CUBN: variants seen among roughly 807,000 people sequenced by gnomAD.
CUBN encodes the protein cubilin.
In CUBN, 282 loss-of-function variants were observed where a neutral mutation model predicts 405.3. That is an observed-to-expected ratio of 0.70 (90% CI 0.63 to 0.77). The LOEUF (loss-of-function observed/expected upper bound fraction) is 0.77, where lower values mean the gene tolerates loss of function less well. CUBN is among the 30% of genes least tolerant of loss of function. The probability of loss-of-function intolerance (pLI) is 0.00; values close to 1 mark genes in which losing one functional copy is unlikely to be tolerated. For missense variants in CUBN, 4,514 were observed against 4,475.2 expected (o/e 1.01, Z -0.25); for synonymous variants, 1,684 against 1,617.0 (o/e 1.04, Z -0.99).
chr10:16,916,808 C>T (rs1302255192), intron 45 of CUBN, among the ~76,000 whole-genome samples: 2 of 148,692 alleles, frequency 1.3e-5, no homozygotes, highest in South Asian at 2.1e-4. Flanking sequence ...TTTTTCTTTT[C>T]TTTTTCTTTC....
intron 60 of CUBN, among the ~76,000 whole-genome samples, chr10:16,844,257 G>A (rs375022472): frequency 1.8e-4 from 20 of 113,962 alleles, no homozygotes; most frequent in African/African-American, 6.3e-4. Context: ...CGACAAGAGC[G>A]AAACTCTGTC....
chr10:17,127,609 A>G (rs959005888), intron 3 of CUBN, among the ~76,000 whole-genome samples: 1 of 151,982 alleles, frequency 6.6e-6, no homozygotes, highest in African/African-American at 2.4e-5. Flanking sequence ...TCCCAGCCCA[A>G]GGCCTACTTC....
chr10:16,849,588 T>G (rs1196200086), intron 60 of CUBN, among the ~76,000 whole-genome samples: 2 of 152,226 alleles, frequency 1.3e-5, no homozygotes, highest in Non-Finnish European at 2.9e-5. Flanking sequence ...AGCATGTAAC[T>G]AAGTGCTCAA....
intron 62 of CUBN, among the ~76,000 whole-genome samples, chr10:16,838,686 C>A (rs1291168809): frequency 3.3e-5 from 5 of 152,178 alleles, no homozygotes; most frequent in Non-Finnish European, 5.9e-5. Context: ...ACTCTGTCAC[C>A]CAGGCTGGAG....
rs936751223 is a variant in CUBN at position 16,839,982 on chromosome 10, C to T, written c.10032+348G>A. On this transcript the variant is annotated intron_variant, in intron 62 of 66. Transcript: ENST00000377833. Reference sequence around the variant, plus strand: ...ATCGCAAGGACAAAAAACCAAACACCGCATATTCTCACTCATAGGTGGGAA... The same window carrying T: ...ATCGCAAGGACAAAAAACCAAACACTGCATATTCTCACTCATAGGTGGGAA... Among the ~76,000 whole-genome samples the T allele has an allele frequency of 2.7e-4, 41 of 150,178 alleles. 1 individual carries two copies. Among genetic ancestry groups the T allele is most frequent in the Admixed American group, 1.4e-3 (21 of 14,894 alleles).
chr10:17,014,501 T>G, intron 28 of CUBN, among the ~76,000 whole-genome samples: 1 of 152,162 alleles, frequency 6.6e-6, no homozygotes, highest in African/African-American at 2.4e-5. Flanking sequence ...CCCCCACAAC[T>G]GTTTTAATGT....
At chr10:16,981,594 G>A (rs1030408208) in intron 31 of CUBN, among the ~76,000 whole-genome samples, 1 of 152,196 alleles carries the variant, frequency 6.6e-6, no homozygotes, top group Non-Finnish European at 1.5e-5. Flanking sequence ...TCTCCGAGAT[G>A]GCAGAGCTAA....
At chr10:16,851,489 C>T in intron 59 of CUBN, 46 bp from the exon 60 acceptor site, 1 of 1,530,940 alleles carries the variant, frequency 6.5e-7, no homozygotes, top group Non-Finnish European at 9.1e-7. Context: ...ACAGAACCGA[C>T]CTTACATTGT....
chr10:17,063,708 G>T (rs1835551006), intron 22 of CUBN, among the ~76,000 whole-genome samples: 1 of 152,154 alleles, frequency 6.6e-6, no homozygotes, highest in African/African-American at 2.4e-5. Flanking sequence ...TTTTACAAAG[G>T]TATGTCTTAC....
At chr10:16,873,101 G>C (rs1339526852) in intron 58 of CUBN, among the ~76,000 whole-genome samples, 2 of 152,046 alleles carry the variant, frequency 1.3e-5, no homozygotes, top group African/African-American at 2.4e-5. Context: ...ACAAATAGAG[G>C]GGAGGTAGGT....
chr10:16,853,338 G>A (rs1178722146), intron 59 of CUBN, among the ~76,000 whole-genome samples: 2 of 152,130 alleles, frequency 1.3e-5, no homozygotes, highest in African/African-American at 4.8e-5. Context: ...AACTTCGCTG[G>A]GATTGGCCTT....
chr10:17,021,238 G>A (rs1207154377), intron 27 of CUBN, among the ~76,000 whole-genome samples: 2 of 152,022 alleles, frequency 1.3e-5, no homozygotes, highest in African/African-American at 2.4e-5. Flanking sequence ...GAGGGTGCAA[G>A]GTTGTGTCCC....
At position 16,984,269 on chromosome 10, in the gene CUBN, C is replaced by A; in HGVS notation, c.4361G>T (p.Gly1454Val). 6.2e-7 allele frequency: 1 copy of A among 1,613,942 alleles called. No homozygotes were observed. Among genetic ancestry groups the A allele is most frequent in the Non-Finnish European group, 8.5e-7 (1 of 1,179,928 alleles). The change falls in exon 30 of 67, where the codon GGC (glycine) becomes GTC (valine). Residue 1454 changes from glycine to valine, a missense_variant. By Grantham distance (109) the Gly-to-Val change is moderately radical. This residue lies in a region of CUBN where 1,613 missense variants were observed against 1,542.8 expected (regional missense o/e 1.05). Coordinates refer to ENST00000377833, the MANE Select transcript of CUBN (RefSeq NM_001081.4). ...CNFDVLEIYG[G>V]PDFHSPRIAQ... ...TATTCTGGGAGAGTGGAAATCGGGG[C>A]CTCCATAGATCTAACATGGGATGTA...
Position 16,888,421 on chromosome 10 carries a change from T to G in CUBN, c.8901A>C (p.Leu2967Phe). Residue 2967 changes from leucine to phenylalanine, a missense_variant, in exon 56 of 67, where the codon TTA (leucine) becomes TTC (phenylalanine). Around this residue, in one of 5 missense-constraint regions of CUBN, gnomAD observed 1,186 missense variants for 1,186.9 expected, o/e 1.00. Transcript: ENST00000377833. ...VVLLTFVSFH[L>F]EARSAVTGSC... ...TTTTTAAAAGAATAAACTTACCTTC[T>G]AAGTGGAAGGACACAAAAGTCAAGA... 6.2e-7 allele frequency: 1 copy of G among 1,612,350 alleles called. No homozygotes were observed. The highest frequency in any genetic ancestry group is 8.5e-7 in the Non-Finnish European group (1 of 1,178,486).
At chr10:16,963,187 CTTTTTTTTCTTTTTTT>C (rs1843285511) in intron 31 of CUBN, among the ~76,000 whole-genome samples, 1 of 84,350 alleles carries the variant, frequency 1.2e-5, no homozygotes, top group Non-Finnish European at 2.2e-5. Context: ...CTTTTCTTTT[CTTTTTTTTCTTTTTTT>C]TTTTTTTTTG....
chr10:16,862,294 G>T (rs896844325), intron 59 of CUBN, among the ~76,000 whole-genome samples: 10 of 152,162 alleles, frequency 6.6e-5, no homozygotes, highest in Middle Eastern at 3.4e-3. Context: ...TTCAAAGCCT[G>T]GCTTTACCTC....
chr10:17,114,208 C>A lies in CUBN; in HGVS notation c.721-19G>T, dbSNP rs758526154. On this transcript the variant is annotated intron_variant, in intron 7 of 66. Coordinates refer to ENST00000377833, the MANE Select transcript of CUBN (RefSeq NM_001081.4). ...ACTTGGGCTGGCAGGATGACAACAG[C>A]GTGAATAAAGACAATCATGAAAATC... 2 of 1,612,456 alleles carry A rather than the reference C, an allele frequency of 1.2e-6. No homozygotes were observed. Among genetic ancestry groups the A allele is most frequent in the Admixed American group, 1.7e-5 (1 of 59,848 alleles).
chr10:16,884,418 T>A (rs780850), intron 56 of CUBN, among the ~76,000 whole-genome samples: 108,006 of 151,488 alleles, frequency 0.71, 38,838 homozygotes, highest in East Asian at 0.83. Context: ...GATTGAGGGC[T>A]TCTAGTTGGC....
chr10:16,901,408 T>G lies in CUBN; in HGVS notation c.8114A>C (p.Tyr2705Ser). Residue 2705 changes from tyrosine to serine, a missense_variant, in exon 52 of 67, where the codon TAT becomes TCT. Transcript: ENST00000377833. Reference protein sequence around the residue: ...GDSGVITSPNYPNAYDSLTHC... With the variant: ...GDSGVITSPNSPNAYDSLTHC... ...GGTCAGGCTGTCATAAGCATTTGGATAGTTGGGGCTTGTGATCACTCCACT... is the reference window on the plus strand; with the variant it reads ...GGTCAGGCTGTCATAAGCATTTGGAGAGTTGGGGCTTGTGATCACTCCACT... 1 of 1,614,148 alleles carries G rather than the reference T, an allele frequency of 6.2e-7. No homozygotes were observed. Among genetic ancestry groups the G allele is most frequent in the Non-Finnish European group, 8.5e-7 (1 of 1,179,988 alleles).
Sources: allele counts gnomAD v4.1 joint callset (sites outside exome capture counted in the v4.1 genomes callset), GRCh38; gene constraint gnomAD v4.1.1; regional missense constraint gnomAD v4.1.1; transcripts MANE v1.5; gene names NCBI Gene and HGNC (gene_info 2026-07-23, HGNC 2026-07-21).